DPRX: variants seen among roughly 807,000 people sequenced by gnomAD.
DPRX encodes the protein divergent-paired related homeobox, also known as divergent paired-related homeobox.
A neutral mutation model predicts 8.4 loss-of-function variants in DPRX; 11 were observed. The observed-to-expected ratio is 1.31, with a 90% confidence interval of 0.82 to 2.17. DPRX has a LOEUF of 2.17. Among genes scored for constraint, DPRX ranks in the 30% most tolerant of loss-of-function variants. The pLI, the probability that DPRX is intolerant of heterozygous loss-of-function variation, is 0.00. For synonymous variants in DPRX, 72 were observed against 87.0 expected, an observed-to-expected ratio of 0.83 and a Z score of 0.96; for missense variants, 211 against 236.7, an observed-to-expected ratio of 0.89 and a Z score of 0.71.
chr19:53,603,287 C>T, the DPRX span: 2 of 453,908 alleles, frequency 4.4e-6, no homozygotes, highest in African/African-American at 4.0e-5. Flanking sequence ...CCCACACTCC[C>T]TACTCGGCCC....
chr19:53,635,016 A>G (rs1204342510), intron 2 of DPRX, among the ~76,000 whole-genome samples: 1 of 152,190 alleles, frequency 6.6e-6, no homozygotes, highest in Non-Finnish European at 1.5e-5. Context: ...TCTTTTACTC[A>G]GGTTGGAGCA....
At chr19:53,623,902 A>T in the DPRX span, among the ~76,000 whole-genome samples, 3 of 151,210 alleles carry the variant, frequency 2.0e-5, no homozygotes, top group East Asian at 2.0e-4. Context: ...GTGAGCCAAG[A>T]TTGCGCCATT....
At chr19:53,627,741 G>T (rs967413468), upstream of DPRX, among the ~76,000 whole-genome samples, 1 of 146,400 alleles carries the variant, frequency 6.8e-6, no homozygotes, top group Non-Finnish European at 1.5e-5. Context: ...GCCCAGCCAA[G>T]ATGTTTTTCT....
chr19:53,609,559 C>G, the DPRX span, among the ~76,000 whole-genome samples: 2 of 148,564 alleles, frequency 1.3e-5, no homozygotes, highest in South Asian at 4.3e-4. Context: ...TATAGAAAAT[C>G]CAGAAATAAA....
At chr19:53,605,083 G>A in the DPRX span, among the ~76,000 whole-genome samples, 1 of 152,036 alleles carries the variant, frequency 6.6e-6, no homozygotes, top group African/African-American at 2.4e-5. Flanking sequence ...GGAGGCCGAG[G>A]CAGGCGGACT....
the DPRX span, among the ~76,000 whole-genome samples, chr19:53,621,300 T>C: frequency 1.3e-5 from 2 of 152,060 alleles, no homozygotes; most frequent in Non-Finnish European, 2.9e-5. Flanking sequence ...GCCCGGCTAA[T>C]TTTTTTATTT....
At chr19:53,619,966 G>C in the DPRX span, among the ~76,000 whole-genome samples, 1 of 151,870 alleles carries the variant, frequency 6.6e-6, no homozygotes, top group Non-Finnish European at 1.5e-5. Flanking sequence ...ATCATCCCCT[G>C]CCTCATCCCC....
chr19:53,627,375 G>C (rs977371668), upstream of DPRX, among the ~76,000 whole-genome samples: 22 of 151,940 alleles, frequency 1.4e-4, no homozygotes, highest in Non-Finnish European at 2.6e-4. Context: ...CTCACAAGAG[G>C]GAAGGAGTGG....
the DPRX span, chr19:53,606,650 C>T: frequency 2.0e-5 from 3 of 151,724 alleles, no homozygotes; most frequent in African/African-American, 2.4e-5. This position sits in a 1 kb window ranked among gnomAD's most constrained non-coding sequence, Gnocchi z 4.8. Context: ...AGGGTGGAGG[C>T]GGTGAGGGTG....
At chr19:53,636,659 C>A in exon 3 of DPRX, 1 of 1,613,958 alleles carries the variant, frequency 6.2e-7, no homozygotes. Context: ...TCATCAAAAA[C>A]AAGAAACTCC....
At chr19:53,632,238 C>T (rs944666345) in intron 1 of DPRX, 104 bp downstream of exon 1, 81 of 1,480,496 alleles carry the variant, frequency 5.5e-5, no homozygotes, top group African/African-American at 9.7e-5. Flanking sequence ...GCTGGTGCTT[C>T]GTCCACGTGG....
the DPRX span, among the ~76,000 whole-genome samples, chr19:53,612,698 C>G: frequency 6.6e-6 from 1 of 151,738 alleles, no homozygotes; most frequent in South Asian, 2.1e-4. Flanking sequence ...CAGAGTGAGA[C>G]TCGGTCTCAA....
At chr19:53,610,136 A>T in the DPRX span, among the ~76,000 whole-genome samples, 3 of 119,662 alleles carry the variant, frequency 2.5e-5, no homozygotes, top group Non-Finnish European at 5.2e-5. Context: ...GGGTGACAAG[A>T]GCAAAACTGT....
chr19:53,633,948 A>ATTTT (rs1403141308), intron 1 of DPRX, among the ~76,000 whole-genome samples: 1 of 152,164 alleles, frequency 6.6e-6, no homozygotes, highest in African/African-American at 2.4e-5. Context: ...CCATATTTAA[A>ATTTT]TGATAACAGA....
the DPRX span, among the ~76,000 whole-genome samples, chr19:53,609,220 C>A: frequency 1.3e-5 from 2 of 151,732 alleles, no homozygotes; most frequent in Non-Finnish European, 2.9e-5. Context: ...GTAATCCCAG[C>A]ACTTTGGGAG....
chr19:53,601,405 C>A, the DPRX span: 1 of 455,342 alleles, frequency 2.2e-6, no homozygotes, highest in Non-Finnish European at 4.4e-6. Flanking sequence ...GAGCACACCA[C>A]GAACGTCTGC....
chr19:53,618,016 C>T, the DPRX span, among the ~76,000 whole-genome samples: 1 of 151,404 alleles, frequency 6.6e-6, no homozygotes, highest in Non-Finnish European at 1.5e-5. Context: ...TGGCGGGGCA[C>T]CTGTAATCCC....
the DPRX span, chr19:53,617,180 G>T: frequency 2.9e-6 from 3 of 1,020,486 alleles, no homozygotes; most frequent in East Asian, 7.1e-5. Flanking sequence ...CGTTGGATTC[G>T]TCTGTGTCCT....
the DPRX span, chr19:53,617,262 T>G: frequency 9.4e-6 from 7 of 744,804 alleles, no homozygotes; most frequent in African/African-American, 5.2e-5. Flanking sequence ...TTAGAGTGCC[T>G]TTAAGAAGAA....
Sources: allele counts gnomAD v4.1 joint callset (sites outside exome capture counted in the v4.1 genomes callset), GRCh38; gene constraint gnomAD v4.1.1; non-coding constraint Gnocchi (gnomAD v3.1); transcripts MANE v1.5; gene names NCBI Gene and HGNC (gene_info 2026-07-23, HGNC 2026-07-21).